ANKFN1: variants seen among roughly 807,000 people sequenced by gnomAD.
ANKFN1 encodes ankyrin repeat and fibronectin type-III domain-containing protein 1.
In ANKFN1, 74 loss-of-function variants were observed where a neutral mutation model predicts 108.7. The observed-to-expected ratio is 0.68, with a 90% CI of 0.56 to 0.83. The LOEUF is 0.83. ANKFN1 is among the 40% of genes least tolerant of loss of function. The probability of loss-of-function intolerance (pLI) is 0.00; values close to 1 mark genes in which losing one functional copy is unlikely to be tolerated. For synonymous variants in ANKFN1, 547 were observed against 516.2 expected, an observed-to-expected ratio of 1.06 and a Z score of -0.81; for missense variants, 1,505 against 1,382.3, an observed-to-expected ratio of 1.09 and a Z score of -1.41.
At chr17:56,092,583 T>G (rs1002674281) in intron 4 of ANKFN1, among the ~76,000 whole-genome samples, 4 of 151,146 alleles carry the variant, frequency 2.6e-5, no homozygotes, top group Non-Finnish European at 5.9e-5. Flanking sequence ...CGGTAGTATG[T>G]TTTTTAAGCT....
At chr17:56,418,614 A>G (rs1343587372) in intron 8 of ANKFN1, among the ~76,000 whole-genome samples, 1 of 152,134 alleles carries the variant, frequency 6.6e-6, no homozygotes, top group Non-Finnish European at 1.5e-5. Context: ...CTGGAATTTA[A>G]TAATAAAATT....
At chr17:56,433,282 T>C (rs563462536) in intron 8 of ANKFN1, among the ~76,000 whole-genome samples, 1 of 152,260 alleles carries the variant, frequency 6.6e-6, no homozygotes, top group South Asian at 2.1e-4. Flanking sequence ...TTTATTTACC[T>C]GAAGGAAGTA....
At position 56,222,432 on chromosome 17, in the gene ANKFN1, T is replaced by C. The variant is rs573715133; in HGVS notation, c.13-5485T>C. Among the ~76,000 whole-genome samples the C allele has an allele frequency of 1.6e-4, 24 of 152,054 alleles. 1 individual carries two copies. The highest frequency in any genetic ancestry group is 5.5e-4 in the African/African-American group (23 of 41,474). On this transcript the variant is annotated intron_variant, in intron 2 of 20. Coordinates refer to ENST00000682825, the MANE Select transcript of ANKFN1 (RefSeq NM_001370326.1). ...GACAAGTAACAGTGAGGAGAAAAAA[T>C]GCACAAGGCATTGAAGATGACTCAG...
chr17:56,137,043 T>C lies in ANKFN1; in HGVS notation c.288+90718T>C, dbSNP rs146814342. 3.2e-4 allele frequency among the ~76,000 whole-genome samples: 48 copies of C among 152,262 alleles called. No homozygotes were observed. The East Asian group carries it at 9.1e-3, about 29-fold the overall frequency. On this transcript the variant is annotated intron_variant, in intron 4 of 12. Coordinates refer to the ANKFN1 transcript ENST00000635860. The stretch of plus-strand genomic sequence containing the variant: ...TATTCAAGAAACATCTACTACAGAT[T>C]GGGTGGTGGAAATGCACAGATGAGG...
intron 4 of ANKFN1, among the ~76,000 whole-genome samples, chr17:56,100,181 C>T (rs1204315371): frequency 2.0e-5 from 3 of 152,226 alleles, no homozygotes; most frequent in Admixed American, 2.0e-4. Flanking sequence ...CCAGAAAGAA[C>T]TTGTGCACTC....
chr17:56,405,292 A>G (rs2047889202), intron 8 of ANKFN1, among the ~76,000 whole-genome samples: 1 of 152,152 alleles, frequency 6.6e-6, no homozygotes, highest in African/African-American at 2.4e-5. Flanking sequence ...AAGATGTTCA[A>G]ACTTTCTCAT....
intron 4 of ANKFN1, among the ~76,000 whole-genome samples, chr17:56,136,612 C>G (rs975621836): frequency 6.6e-6 from 1 of 152,120 alleles, no homozygotes; most frequent in South Asian, 2.1e-4. Flanking sequence ...TCTGACATAG[C>G]AAGATGCAGC....
At chr17:56,372,940 T>A in intron 7 of ANKFN1, 100 bp downstream of exon 7, 1 of 1,227,596 alleles carries the variant, frequency 8.1e-7, no homozygotes, top group Non-Finnish European at 1.1e-6. Context: ...CTCTACAGAG[T>A]CATGGATGGC....
intron 3 of ANKFN1, among the ~76,000 whole-genome samples, chr17:56,313,467 TC>T (rs541617649): frequency 9.2e-5 from 14 of 152,276 alleles, no homozygotes; most frequent in African/African-American, 2.6e-4. Context: ...AGGAACAGGT[TC>T]TTTTTCTGAG....
chr17:56,113,102 A>C (rs1024008253), intron 4 of ANKFN1, among the ~76,000 whole-genome samples: 4 of 152,090 alleles, frequency 2.6e-5, no homozygotes, highest in Non-Finnish European at 5.9e-5. Flanking sequence ...ACACTGTGTG[A>C]TGGTGTGTGT....
intron 3 of ANKFN1, among the ~76,000 whole-genome samples, chr17:56,241,204 T>G (rs1476377157): frequency 6.6e-6 from 1 of 152,028 alleles, no homozygotes; most frequent in Non-Finnish European, 1.5e-5. Flanking sequence ...AGCCTAAGAG[T>G]TCAAGTCTGC....
intron 3 of ANKFN1, among the ~76,000 whole-genome samples, chr17:56,318,907 G>A (rs370516254): frequency 6.6e-6 from 1 of 152,052 alleles, no homozygotes; most frequent in Non-Finnish European, 1.5e-5. Context: ...AGTCTTTCAG[G>A]TTATTCTTTT....
At chr17:56,057,152 C>G (rs764841234) in intron 4 of ANKFN1, among the ~76,000 whole-genome samples, 1 of 152,204 alleles carries the variant, frequency 6.6e-6, no homozygotes, top group Non-Finnish European at 1.5e-5. Flanking sequence ...GCAATTCAGT[C>G]ACACCTTTAG....
At chr17:56,126,062 G>A (rs549349451) in intron 4 of ANKFN1, among the ~76,000 whole-genome samples, 1 of 152,302 alleles carries the variant, frequency 6.6e-6, no homozygotes, top group East Asian at 1.9e-4. Context: ...TGGGGAACGA[G>A]GATCCCAGCC....
chr17:56,376,463 A>G (rs979971432), intron 8 of ANKFN1, among the ~76,000 whole-genome samples: 1 of 152,218 alleles, frequency 6.6e-6, no homozygotes, highest in Non-Finnish European at 1.5e-5. Context: ...CTCATCTGCC[A>G]AGACTGAAAT....
intron 2 of ANKFN1, among the ~76,000 whole-genome samples, chr17:56,226,860 ATTATT>A (rs1916315499): frequency 1.3e-5 from 2 of 152,240 alleles, no homozygotes; most frequent in East Asian, 1.9e-4. Flanking sequence ...TTTTATATAT[ATTATT>A]TTATTTAACC....
chr17:56,495,334 T>A (rs542076695), intron 19 of ANKFN1, among the ~76,000 whole-genome samples: 4 of 151,550 alleles, frequency 2.6e-5, no homozygotes, highest in Admixed American at 1.3e-4. Flanking sequence ...TCTCTCTCTC[T>A]CTCACTCACT....
chr17:56,253,237 A>C (rs1444473479), intron 3 of ANKFN1, among the ~76,000 whole-genome samples: 1 of 152,216 alleles, frequency 6.6e-6, no homozygotes, highest in Non-Finnish European at 1.5e-5. Context: ...AAGAAAACAT[A>C]AATTTTGGTT....
At chr17:56,311,797 C>T (rs1457615030) in intron 3 of ANKFN1, among the ~76,000 whole-genome samples, 1 of 152,178 alleles carries the variant, frequency 6.6e-6, no homozygotes, top group African/African-American at 2.4e-5. Context: ...ACTTGGGTGA[C>T]ATCCCCAAGG....
Sources: allele counts gnomAD v4.1 joint callset (sites outside exome capture counted in the v4.1 genomes callset), GRCh38; gene constraint gnomAD v4.1.1; transcripts MANE v1.5; gene names NCBI Gene and HGNC (gene_info 2026-07-23, HGNC 2026-07-21).